The following DLGAP1 variants were observed in gnomAD, a reference collection of about 807,000 sequenced individuals.
The protein encoded by DLGAP1 is DLG associated protein 1.
Under a neutral mutation model 90.8 loss-of-function variants are expected in DLGAP1, and 11 were observed. The observed-to-expected ratio is 0.12, with a 90% CI of 0.08 to 0.20. DLGAP1 has a LOEUF of 0.20. Ranked by LOEUF, DLGAP1 falls within the 10% of genes least tolerant of loss-of-function variation. DLGAP1 has a pLI of 1.00. For synonymous variants in DLGAP1, 558 were observed against 540.7 expected, an observed-to-expected ratio of 1.03 and a Z score of -0.44; for missense variants, 1,050 against 1,333.8, an observed-to-expected ratio of 0.79 and a Z score of 3.31.
chr18:4,214,859 A>G (rs543846243), intron 1 of DLGAP1, among the ~76,000 whole-genome samples: 3 of 152,182 alleles, frequency 2.0e-5, no homozygotes. Flanking sequence ...GAATCCCACC[A>G]AAAGAAAACA....
At chr18:4,351,341 G>C (rs986436278) in intron 1 of DLGAP1, among the ~76,000 whole-genome samples, 3 of 152,102 alleles carry the variant, frequency 2.0e-5, no homozygotes, top group African/African-American at 4.8e-5. Flanking sequence ...AACATATTTG[G>C]AAGAGGAGTT....
chr18:3,936,744 A>G (rs1207350472), intron 3 of DLGAP1, among the ~76,000 whole-genome samples: 1 of 152,238 alleles, frequency 6.6e-6, no homozygotes, highest in Non-Finnish European at 1.5e-5. Flanking sequence ...AGGTTCCTCC[A>G]GTACCTCAAT....
intron 4 of DLGAP1, among the ~76,000 whole-genome samples, chr18:3,873,460 G>C (rs2070875734): frequency 2.0e-5 from 3 of 152,138 alleles, no homozygotes; most frequent in Admixed American, 2.0e-4. Context: ...TGGTGGATGG[G>C]ATTTCAGAAA....
chr18:3,890,907 G>A (rs1051219798), intron 3 of DLGAP1, among the ~76,000 whole-genome samples: 1 of 152,140 alleles, frequency 6.6e-6, no homozygotes, highest in Non-Finnish European at 1.5e-5. Flanking sequence ...TCTGGATTAA[G>A]TTTTGGCAGA....
At position 4,042,500 on chromosome 18, in the gene DLGAP1, G is replaced by A. The variant is rs553488894; in HGVS notation, c.-158-37299C>T. Among the ~76,000 whole-genome samples the A allele has an allele frequency of 5.3e-5, 8 of 152,314 alleles. No homozygotes were observed. The South Asian group carries it at 6.2e-4, about 12-fold the overall frequency. On this transcript the variant is annotated intron_variant, in intron 2 of 12. Coordinates refer to ENST00000315677, the MANE Select transcript of DLGAP1 (RefSeq NM_004746.4). ...CACCTGTAATCCCAGCACTTTGGGA[G>A]GCCAAGGTCTGCCGATCACCTGATG...
At chr18:3,903,646 C>A (rs1478801666) in intron 3 of DLGAP1, among the ~76,000 whole-genome samples, 2 of 152,176 alleles carry the variant, frequency 1.3e-5, no homozygotes, top group African/African-American at 4.8e-5. Flanking sequence ...GTATTTCACT[C>A]CACTGGGTCT....
intron 2 of DLGAP1, among the ~76,000 whole-genome samples, chr18:4,118,327 C>T (rs2076095976): frequency 6.6e-6 from 1 of 152,032 alleles, no homozygotes; most frequent in Non-Finnish European, 1.5e-5. Flanking sequence ...GGGGTAGAAC[C>T]CACTCTTGTC....
At chr18:3,911,551 C>G (rs1378724691) in intron 3 of DLGAP1, among the ~76,000 whole-genome samples, 1 of 152,156 alleles carries the variant, frequency 6.6e-6, no homozygotes, top group African/African-American at 2.4e-5. Context: ...TCAAGTTGTT[C>G]AGTGACTAGA....
chr18:3,588,779 C>CAAAAAAAAAAAAA (rs11449545), intron 7 of DLGAP1, among the ~76,000 whole-genome samples: 1 of 135,060 alleles, frequency 7.4e-6, no homozygotes. Flanking sequence ...GACTCCATCT[C>CAAAAAAAAAAAAA]AAAAAAAAAA....
At chr18:4,322,174 T>C (rs2080707946) in intron 1 of DLGAP1, among the ~76,000 whole-genome samples, 1 of 151,132 alleles carries the variant, frequency 6.6e-6, no homozygotes, top group Non-Finnish European at 1.5e-5. Flanking sequence ...CACTCCAGCC[T>C]CGGCAACAGA....
At chr18:4,129,777 T>G (rs917381619) in intron 2 of DLGAP1, among the ~76,000 whole-genome samples, 3 of 152,136 alleles carry the variant, frequency 2.0e-5, no homozygotes, top group African/African-American at 7.2e-5. Flanking sequence ...GGACTCTGAT[T>G]CCTTAGGCAA....
rs553765881 is a variant in DLGAP1, at chr18:3,841,325, A to G, written c.958-27052T>C. On this transcript the variant is annotated intron_variant, in intron 4 of 12. Transcript: ENST00000315677. ...AGAAAGGCTGAAAACTCCTGTAGAC[A>G]TAAGGCTTGAAGAAGAAAGCTTGAG... 2.0e-5 allele frequency among the ~76,000 whole-genome samples: 3 copies of G among 152,344 alleles called. No individual in the cohort carries two copies. The South Asian group carries it at 6.2e-4, about 32-fold the overall frequency.
rs532886613 is a variant in DLGAP1 at position 3,837,028 on chromosome 18, G to C, written c.958-22755C>G. 4.5e-4 allele frequency among the ~76,000 whole-genome samples: 69 copies of C among 152,304 alleles called. 1 individual carries two copies. Among genetic ancestry groups the C allele is most frequent in the African/African-American group, 1.6e-3 (68 of 41,566 alleles). On this transcript the variant is annotated intron_variant, in intron 4 of 12. Coordinates refer to ENST00000315677, the MANE Select transcript of DLGAP1 (RefSeq NM_004746.4). ...AAATAAATCAATTTCTAACACAAAG[G>C]CAAGATTTAGCCTCTCATTAGATCC...
intron 2 of DLGAP1, among the ~76,000 whole-genome samples, chr18:4,072,239 CA>C (rs1272100301): frequency 1.3e-5 from 2 of 150,862 alleles, no homozygotes; most frequent in Non-Finnish European, 3.0e-5. Flanking sequence ...TTTAGGGGCA[CA>C]AAAAAAGACC....
intron 10 of DLGAP1, among the ~76,000 whole-genome samples, chr18:3,516,688 T>C (rs1389992705): frequency 6.6e-6 from 1 of 152,144 alleles, no homozygotes; most frequent in Admixed American, 6.5e-5. Flanking sequence ...ACGTCTTACA[T>C]GGTGGTAGAC....
intron 7 of DLGAP1, among the ~76,000 whole-genome samples, chr18:3,713,297 A>G (rs918371623): frequency 1.3e-5 from 2 of 152,208 alleles, no homozygotes; most frequent in African/African-American, 2.4e-5. Context: ...ATAATCTACA[A>G]AAGAGATATT....
At chr18:4,127,448 G>C (rs2076248853) in intron 2 of DLGAP1, among the ~76,000 whole-genome samples, 1 of 152,022 alleles carries the variant, frequency 6.6e-6, no homozygotes, top group South Asian at 2.1e-4. Context: ...AGAGAGAAGA[G>C]AAAAGAAAAG....
chr18:4,042,450 T>C (rs1166174258), intron 2 of DLGAP1, among the ~76,000 whole-genome samples: 2 of 152,206 alleles, frequency 1.3e-5, no homozygotes, highest in Admixed American at 6.5e-5. Context: ...AAGATGAAGA[T>C]AGCCTTCAGG....
chr18:3,992,179 C>G (rs1256936303), intron 3 of DLGAP1, among the ~76,000 whole-genome samples: 1 of 152,054 alleles, frequency 6.6e-6, no homozygotes, highest in Non-Finnish European at 1.5e-5. Flanking sequence ...CATATTGGTC[C>G]CCTATTTTAA....
Sources: gnomAD v4.1 joint callset for allele counts (sites outside exome capture counted in the v4.1 genomes callset) on GRCh38, gnomAD v4.1.1 for gene constraint, MANE v1.5 for transcripts, NCBI Gene and HGNC (gene_info 2026-07-23, HGNC 2026-07-21) for gene names.